The following PRDM5 variants were observed in gnomAD, a reference collection of about 807,000 sequenced individuals.
PRDM5 encodes PR domain zinc finger protein 5.
PRDM5 carries 56 observed loss-of-function variants against 81.2 expected under a neutral mutation model. That is an observed-to-expected ratio of 0.69 (90% CI 0.56 to 0.86). The LOEUF (loss-of-function observed/expected upper bound fraction) is 0.86. PRDM5 is among the 40% of genes least tolerant of loss of function. The probability of loss-of-function intolerance (pLI) is 0.00; values close to 1 mark genes in which losing one functional copy is unlikely to be tolerated. For synonymous variants in PRDM5, 267 were observed against 256.4 expected (o/e 1.04, Z -0.39); for missense variants, 697 against 770.1 (o/e 0.91, Z 1.12).
chr4:120,688,798 A>G (rs1733931341), downstream of PRDM5, among the ~76,000 whole-genome samples: 1 of 152,150 alleles, frequency 6.6e-6, no homozygotes, highest in Admixed American at 6.6e-5. Flanking sequence ...GTTTACTTCT[A>G]TGCTGTCTAT....
At chr4:120,920,021 A>G (rs1724696286) in intron 1 of PRDM5, among the ~76,000 whole-genome samples, 1 of 152,182 alleles carries the variant, frequency 6.6e-6, no homozygotes, top group Admixed American at 6.5e-5. Context: ...TAGTAGGACT[A>G]AGGTAAAGCC....
At chr4:120,733,626 C>A (rs768505822) in intron 14 of PRDM5, among the ~76,000 whole-genome samples, 1 of 152,162 alleles carries the variant, frequency 6.6e-6, no homozygotes, top group African/African-American at 2.4e-5. Context: ...TCTAATGCAA[C>A]AATGCCAGCT....
At chr4:120,699,155 AATATAAATATATATATAT>A (rs1184812727) in intron 15 of PRDM5, among the ~76,000 whole-genome samples, 104 of 89,562 alleles carry the variant, frequency 1.2e-3, no homozygotes, top group Admixed American at 1.9e-3. Context: ...AATTATAGGA[AATATAAATATATATATAT>A]ATATATATAT....
chr4:120,895,955 T>C (rs757579045), intron 2 of PRDM5, among the ~76,000 whole-genome samples: 20 of 152,154 alleles, frequency 1.3e-4, no homozygotes, highest in Non-Finnish European at 2.6e-4. Flanking sequence ...ATGAAATCTG[T>C]TGGTGAGAAT....
chr4:120,777,246 A>G lies in PRDM5; in HGVS notation c.1479T>C (p.Tyr493=). Reference sequence around the variant, plus strand: ...CACTGCTGGCAAATTTCTGGCCACAATATGGACAGATTTTCTCCTTTTCTC... The same window carrying G: ...CACTGCTGGCAAATTTCTGGCCACAGTATGGACAGATTTTCTCCTTTTCTC... The part of the protein sequence containing the change: ...HTGEKEKICP[Y]CGQKFASSGT... The change falls in exon 13 of 16, where the codon TAT becomes TAC. Residue 493 remains tyrosine, a synonymous_variant. Transcript: ENST00000264808. The G allele has an allele frequency of 1.2e-6, 2 of 1,613,478 alleles. No homozygotes were observed. The highest frequency in any genetic ancestry group is 1.7e-6 in the Non-Finnish European group (2 of 1,179,538).
At chr4:120,764,012 G>A (rs1395928007) in intron 13 of PRDM5, among the ~76,000 whole-genome samples, 1 of 151,460 alleles carries the variant, frequency 6.6e-6, no homozygotes, top group African/African-American at 2.4e-5. Context: ...AACACAGAGA[G>A]TTATTCTTGG....
At position 120,695,280 on chromosome 4, in the gene PRDM5, A is replaced by G; in HGVS notation, c.1729-5T>C. The stretch of plus-strand genomic sequence containing the variant: ...GCTAAAAGCCAAATCACAAACCTAG[A>G]AAAGACCCAAAGACCAACCATATTA... On this transcript the variant is annotated splice_polypyrimidine_tract_variant and splice_region_variant and intron_variant, in intron 15 of 15. Coordinates refer to ENST00000264808, the MANE Select transcript of PRDM5 (RefSeq NM_018699.4). 3 of 1,613,206 alleles carry G rather than the reference A, an allele frequency of 1.9e-6. No homozygotes were observed. Among genetic ancestry groups the G allele is most frequent in the Non-Finnish European group, 2.5e-6 (3 of 1,179,472 alleles).
At chr4:120,838,265 T>G (rs527941409) in intron 3 of PRDM5, 4 of 152,306 alleles carry the variant, frequency 2.6e-5, no homozygotes, top group Admixed American at 1.3e-4. Flanking sequence ...TGTCTTTTTT[T>G]GGGGAATAAG....
chr4:120,736,533 C>T (rs116552806), intron 14 of PRDM5, among the ~76,000 whole-genome samples: 3 of 152,118 alleles, frequency 2.0e-5, no homozygotes, highest in Non-Finnish European at 2.9e-5. Context: ...GAGCCCTGAG[C>T]GTAAAGCCCA....
chr4:120,903,488 A>G (rs1765428828), intron 2 of PRDM5, among the ~76,000 whole-genome samples: 1 of 152,236 alleles, frequency 6.6e-6, no homozygotes, highest in South Asian at 2.1e-4. Flanking sequence ...GATTAAAGAT[A>G]GCAAGCAATA....
chr4:120,841,105 G>A lies in PRDM5; in HGVS notation c.300+12313C>T, dbSNP rs116507390. On this transcript the variant is annotated intron_variant, in intron 3 of 15. Transcript: ENST00000264808. The stretch of plus-strand genomic sequence containing the variant: ...TTTTTAAATCATGTGAGATTTCTAC[G>A]GTGACTAAGACTCAATCAAGGATGA... Among the ~76,000 whole-genome samples the A allele has an allele frequency of 5.2e-3, 790 of 152,086 alleles. 3 individuals are homozygous for A. The highest frequency in any genetic ancestry group is 0.01 in the Middle Eastern group (3 of 294).
chr4:120,859,760 A>G (rs1249745152), intron 2 of PRDM5, among the ~76,000 whole-genome samples: 1 of 152,160 alleles, frequency 6.6e-6, no homozygotes, highest in Non-Finnish European at 1.5e-5. Context: ...GCCCTCTCAA[A>G]GAGTTTTAAT....
At chr4:120,776,246 C>T (rs990322285) in intron 13 of PRDM5, among the ~76,000 whole-genome samples, 7 of 144,104 alleles carry the variant, frequency 4.9e-5, no homozygotes, top group Admixed American at 3.5e-4. Context: ...CTAAGCTGAC[C>T]ATATGTCTTT....
At chr4:120,882,798 C>T (rs1762989389) in intron 2 of PRDM5, among the ~76,000 whole-genome samples, 1 of 152,098 alleles carries the variant, frequency 6.6e-6, no homozygotes, top group Non-Finnish European at 1.5e-5. Context: ...ATTCCATTGA[C>T]AATTAAATCA....
At chr4:120,802,755 A>G (rs1253883639) in intron 8 of PRDM5, among the ~76,000 whole-genome samples, 1 of 152,220 alleles carries the variant, frequency 6.6e-6, no homozygotes, top group Non-Finnish European at 1.5e-5. Context: ...AAAGATGGGG[A>G]AAAAAGCAGA....
intron 3 of PRDM5, among the ~76,000 whole-genome samples, chr4:120,830,829 T>C (rs374519854): frequency 1.3e-3 from 193 of 151,858 alleles, no homozygotes; most frequent in African/African-American, 4.5e-3. Flanking sequence ...AAAAACAGAA[T>C]ACTATATTAA....
intron 2 of PRDM5, among the ~76,000 whole-genome samples, chr4:120,873,796 C>CA (rs1208922174): frequency 5.9e-5 from 9 of 152,146 alleles, no homozygotes; most frequent in Admixed American, 4.6e-4. Flanking sequence ...CATGATTTCT[C>CA]AAAAAATAAT....
At chr4:120,878,933 T>G (rs1051831153) in intron 2 of PRDM5, among the ~76,000 whole-genome samples, 3 of 152,198 alleles carry the variant, frequency 2.0e-5, no homozygotes, top group African/African-American at 7.2e-5. Context: ...CATTCACTGC[T>G]GAGTGGAATG....
At chr4:120,748,712 A>G (rs975037942) in intron 14 of PRDM5, among the ~76,000 whole-genome samples, 3 of 152,006 alleles carry the variant, frequency 2.0e-5, no homozygotes, top group African/African-American at 7.2e-5. Context: ...CCACACAAGC[A>G]AAGAACAAAG....
Sources: gnomAD v4.1 joint callset for allele counts (sites outside exome capture counted in the v4.1 genomes callset) on GRCh38, gnomAD v4.1.1 for gene constraint, MANE v1.5 for transcripts, NCBI Gene and HGNC (gene_info 2026-07-23, HGNC 2026-07-21) for gene names.